Variants in EMID1 observed in about 807,000 individuals in gnomAD.
EMID1 encodes EMI domain-containing protein 1.
In EMID1, 40 loss-of-function variants were observed where a neutral mutation model predicts 60.6. That is an observed-to-expected ratio of 0.66 (90% CI 0.51 to 0.86). The LOEUF is 0.86. Ranked by LOEUF, EMID1 falls within the 40% of genes least tolerant of loss-of-function variation. EMID1 has a pLI of 0.00. For synonymous variants in EMID1, 242 were observed against 231.0 expected (o/e 1.05, Z -0.43); for missense variants, 585 against 597.1 (o/e 0.98, Z 0.21).
chr22:29,222,886 T>C (rs909471130), intron 3 of EMID1, among the ~76,000 whole-genome samples: 1 of 152,060 alleles, frequency 6.6e-6, no homozygotes, highest in Non-Finnish European at 1.5e-5. Flanking sequence ...GGTCGGGAGA[T>C]GGAGACCATC....
chr22:29,244,030 C>T (rs6006075), intron 13 of EMID1, among the ~76,000 whole-genome samples: 20,468 of 152,136 alleles, frequency 0.13, 1,590 homozygotes, highest in East Asian at 0.23. Flanking sequence ...ATTCATGAAG[C>T]CTGTGAAGAG....
chr22:29,253,054 A>C (rs1421341451), intron 13 of EMID1, among the ~76,000 whole-genome samples: 1 of 152,228 alleles, frequency 6.6e-6, no homozygotes, highest in African/African-American at 2.4e-5. Context: ...CAATTTTTCA[A>C]CTTTACAATT....
intron 13 of EMID1, among the ~76,000 whole-genome samples, chr22:29,244,506 G>A (rs2041256234): frequency 6.6e-6 from 1 of 152,078 alleles, no homozygotes; most frequent in Admixed American, 6.6e-5. Context: ...GGACATGGTG[G>A]TACGCACCTG....
chr22:29,243,925 T>C (rs2041237078), intron 13 of EMID1, among the ~76,000 whole-genome samples: 1 of 152,184 alleles, frequency 6.6e-6, no homozygotes, highest in African/African-American at 2.4e-5. Flanking sequence ...GAGAATGGGA[T>C]AGAGGACCTA....
Position 29,254,185 on chromosome 22 carries a change from T to C in EMID1, c.1120-18T>C, listed in dbSNP as rs1265917145. On this transcript the variant is annotated intron_variant, in intron 13 of 14. Transcript: ENST00000334018. ...CCCCTGCCCCCTTCACGGCTGCATC[T>C]GTCTCTTTCCTCCACAGGGGGAGGG... 3 of 1,613,636 alleles carry C rather than the reference T, an allele frequency of 1.9e-6. No individual in the cohort carries two copies. The highest frequency in any genetic ancestry group is 2.5e-6 in the Non-Finnish European group (3 of 1,179,794).
rs561543500 is a variant in EMID1, at chr22:29,259,320, C to A, written c.*376C>A. The A allele has an allele frequency of 8.3e-5, 20 of 240,702 alleles. No individual in the cohort carries two copies. The highest frequency in any genetic ancestry group is 6.9e-4 in the Admixed American group (12 of 17,418). The allele number at this position is 240,702 out of a possible 1,614,324, so 14.9% of individuals were successfully genotyped here. ...AGGGCAGGGGGCAGTCTTCCTCCCCCTCCCCGACCAAACCTCGGGGAGCCC... is the reference window on the plus strand; with the variant it reads ...AGGGCAGGGGGCAGTCTTCCTCCCCATCCCCGACCAAACCTCGGGGAGCCC... On this transcript the variant is annotated 3_prime_UTR_variant, in exon 15 of 15. Coordinates refer to ENST00000334018, the MANE Select transcript of EMID1 (RefSeq NM_133455.4).
chr22:29,214,344 G>A (rs1220813540), intron 1 of EMID1, among the ~76,000 whole-genome samples: 3 of 152,148 alleles, frequency 2.0e-5, no homozygotes, highest in Admixed American at 6.5e-5. Context: ...TGTCACATCT[G>A]GGCTTTGAAG....
intron 12 of EMID1, among the ~76,000 whole-genome samples, chr22:29,239,546 T>C (rs1010831049): frequency 6.6e-6 from 1 of 152,250 alleles, no homozygotes; most frequent in Non-Finnish European, 1.5e-5. Context: ...CCTGGCCTGA[T>C]AATCTGAACA....
intron 3 of EMID1, among the ~76,000 whole-genome samples, chr22:29,220,466 A>G (rs2040251049): frequency 6.6e-6 from 1 of 151,980 alleles, no homozygotes; most frequent in African/African-American, 2.4e-5. Flanking sequence ...GGAAGCAAAT[A>G]TTTACATTTG....
intron 1 of EMID1, among the ~76,000 whole-genome samples, chr22:29,214,029 G>A (rs1044614057): frequency 1.3e-5 from 2 of 152,220 alleles, no homozygotes; most frequent in African/African-American, 2.4e-5. Flanking sequence ...AGAGGATAGT[G>A]TAAATACCTT....
chr22:29,237,053 C>T (rs2040976296), intron 12 of EMID1, among the ~76,000 whole-genome samples: 1 of 152,000 alleles, frequency 6.6e-6, no homozygotes, highest in African/African-American at 2.4e-5. Flanking sequence ...CCTTGGCCTC[C>T]CAAAGTGCTG....
chr22:29,259,141 G>A lies in EMID1; in HGVS notation c.*197G>A, dbSNP rs1371453264. 4 of 818,328 alleles carry A rather than the reference G, an allele frequency of 4.9e-6. No homozygotes were observed. In the African/African-American group the frequency reaches 7.2e-5, roughly 15 times the overall value. The allele number at this position is 818,328 out of a possible 1,614,324, so 50.7% of individuals were successfully genotyped here. A position where few individuals can be genotyped will look rare whatever the true frequency, so the allele number is the denominator to read the frequency against. On this transcript the variant is annotated 3_prime_UTR_variant, in exon 15 of 15. Coordinates refer to ENST00000334018, the MANE Select transcript of EMID1 (RefSeq NM_133455.4). The stretch of plus-strand genomic sequence containing the variant: ...AGGCTGAGCAAGGGCTGAGAGGAGA[G>A]GCTTGGGCCTCAGTTTCCCTCTGTG...
intron 7 of EMID1, chr22:29,231,960 C>G (rs540375307): frequency 8.7e-6 from 5 of 573,726 alleles, no homozygotes; most frequent in Non-Finnish European, 1.5e-5. Flanking sequence ...AGCTTCCATG[C>G]TGCTGGGAGC....
At chr22:29,252,501 T>C (rs1744478205) in intron 13 of EMID1, among the ~76,000 whole-genome samples, 1 of 150,906 alleles carries the variant, frequency 6.6e-6, no homozygotes, top group African/African-American at 2.4e-5. Flanking sequence ...CTGTTGGAAT[T>C]GAGAGATCTA....
chr22:29,215,578 C>A lies in EMID1; in HGVS notation c.267C>A (p.Thr89=). The change falls in exon 3 of 15, where the codon ACC becomes ACA. Residue 89 remains threonine, a synonymous_variant. Coordinates refer to ENST00000334018, the MANE Select transcript of EMID1 (RefSeq NM_133455.4). Reference sequence around the variant, plus strand: ...ACAAGGTGATGTACAAGATAGTGACCGCCCGTGAGTGGAGGTGCTGCCCTG... The same window carrying A: ...ACAAGGTGATGTACAAGATAGTGACAGCCCGTGAGTGGAGGTGCTGCCCTG... ...PTYKVMYKIV[T]AREWRCCPGH... 1 of 1,614,100 alleles carries A rather than the reference C, an allele frequency of 6.2e-7. No homozygotes were observed. The highest frequency in any genetic ancestry group is 8.5e-7 in the Non-Finnish European group (1 of 1,179,990).
chr22:29,208,173 T>C (rs2039746926), intron 1 of EMID1, among the ~76,000 whole-genome samples: 1 of 152,192 alleles, frequency 6.6e-6, no homozygotes. Flanking sequence ...CCCACGTTGC[T>C]GGAGACAGCA....
rs528393240 is a variant in EMID1, at chr22:29,243,725, C to T, written c.1119+236C>T. 1.1e-4 allele frequency among the ~76,000 whole-genome samples: 17 copies of T among 152,372 alleles called. No individual in the cohort carries two copies. In the South Asian group the frequency reaches 3.3e-3, roughly 30 times the overall value. Reference sequence around the variant, plus strand: ...CAGACCCCATGCCTTCTGTCTCAGTCTCTGTCCCTGTCTCCACCTTCCCTC... The same window carrying T: ...CAGACCCCATGCCTTCTGTCTCAGTTTCTGTCCCTGTCTCCACCTTCCCTC... On this transcript the variant is annotated intron_variant, in intron 13 of 14. Transcript: ENST00000334018.
intron 1 of EMID1, among the ~76,000 whole-genome samples, chr22:29,214,478 G>A (rs1372285720): frequency 6.6e-6 from 1 of 152,162 alleles, no homozygotes; most frequent in Non-Finnish European, 1.5e-5. Flanking sequence ...GGTAGGCAAG[G>A]CAAGGATGTA....
At chr22:29,224,824 G>A (rs980031071) in intron 3 of EMID1, among the ~76,000 whole-genome samples, 1 of 152,144 alleles carries the variant, frequency 6.6e-6, no homozygotes, top group Non-Finnish European at 1.5e-5. Context: ...GTCAGGGCTC[G>A]GACCCAGGCT....
Sources: allele counts gnomAD v4.1 joint callset (sites outside exome capture counted in the v4.1 genomes callset), GRCh38; gene constraint gnomAD v4.1.1; transcripts MANE v1.5; gene names NCBI Gene and HGNC (gene_info 2026-07-23, HGNC 2026-07-21).